Variants in ADARB2 observed in about 807,000 individuals in gnomAD.
ADARB2 encodes the protein adenosine deaminase RNA specific B2 (inactive).
ADARB2 carries 25 observed loss-of-function variants against 62.2 expected under a neutral mutation model. The observed-to-expected ratio is 0.40, with a 90% CI of 0.29 to 0.56. The LOEUF (loss-of-function observed/expected upper bound fraction) is 0.56. ADARB2 is among the 20% of genes least tolerant of loss of function. ADARB2 has a pLI of 0.43. For missense variants in ADARB2, 1,071 were observed against 1,077.4 expected (o/e 0.99, Z 0.08); for synonymous variants, 572 against 500.8 (o/e 1.14, Z -1.90).
chr10:1,703,538 A>T (rs1016302413), intron 1 of ADARB2, among the ~76,000 whole-genome samples: 2 of 152,196 alleles, frequency 1.3e-5, no homozygotes, highest in Non-Finnish European at 2.9e-5. Context: ...GAGACGATGC[A>T]AGAACTGGAA....
intron 3 of ADARB2, among the ~76,000 whole-genome samples, chr10:1,347,261 A>T (rs1314459173): frequency 6.6e-6 from 1 of 152,196 alleles, no homozygotes; most frequent in Non-Finnish European, 1.5e-5. Flanking sequence ...ATAAAGTTGC[A>T]GTGAGTCGTG....
intron 2 of ADARB2, among the ~76,000 whole-genome samples, chr10:1,365,717 A>G (rs1392846185): frequency 6.6e-6 from 1 of 152,232 alleles, no homozygotes; most frequent in Non-Finnish European, 1.5e-5. Context: ...GCTTCGGGCA[A>G]GAATAAAGAA....
intron 7 of ADARB2, among the ~76,000 whole-genome samples, chr10:1,201,566 G>T (rs1461399004): frequency 6.6e-6 from 1 of 151,664 alleles, no homozygotes; most frequent in African/African-American, 2.4e-5. Context: ...GCCACAGAGC[G>T]CCTGTCACCG....
rs527984358 is a variant in ADARB2 at position 1,286,653 on chromosome 10, G to A, written c.1078-15584C>T. Among the ~76,000 whole-genome samples, 74 of 152,198 alleles carry A rather than the reference G, an allele frequency of 4.9e-4. 1 individual carries two copies. Among genetic ancestry groups the A allele is most frequent in the South Asian group, 3.1e-3 (15 of 4,816 alleles). On this transcript the variant is annotated intron_variant, in intron 3 of 9. Transcript: ENST00000381312. The stretch of plus-strand genomic sequence containing the variant: ...CTTCCCCCAGCTGCATGACCACTAC[G>A]GGGCAATTGGGGTCTCTGAGCCACG...
chr10:1,207,508 C>A (rs1837085129), intron 7 of ADARB2, among the ~76,000 whole-genome samples: 1 of 152,138 alleles, frequency 6.6e-6, no homozygotes, highest in Admixed American at 6.5e-5. Context: ...GTCAACAAAT[C>A]ATGGAGGAAG....
intron 1 of ADARB2, among the ~76,000 whole-genome samples, chr10:1,660,616 T>A (rs1044760019): frequency 6.6e-6 from 1 of 152,168 alleles, no homozygotes; most frequent in Non-Finnish European, 1.5e-5. Flanking sequence ...ATTTGTCTTA[T>A]AATTGTGCCC....
intron 3 of ADARB2, among the ~76,000 whole-genome samples, chr10:1,311,660 C>T (rs559686398): frequency 6.6e-6 from 1 of 152,256 alleles, no homozygotes; most frequent in Non-Finnish European, 1.5e-5. Context: ...GCCTGCAAAG[C>T]TCCTCAACCC....
chr10:1,301,970 G>C (rs1242344527), intron 3 of ADARB2, among the ~76,000 whole-genome samples: 1 of 152,158 alleles, frequency 6.6e-6, no homozygotes, highest in Non-Finnish European at 1.5e-5. Context: ...CTCTGGTGTT[G>C]TGCACTGCAT....
chr10:1,611,992 C>T (rs761491926), intron 1 of ADARB2, among the ~76,000 whole-genome samples: 2 of 152,144 alleles, frequency 1.3e-5, no homozygotes, highest in Non-Finnish European at 2.9e-5. Flanking sequence ...GACCGGTCTT[C>T]AGAATCACAA....
intron 1 of ADARB2, among the ~76,000 whole-genome samples, chr10:1,689,854 T>C (rs564142760): frequency 6.6e-6 from 1 of 152,330 alleles, no homozygotes; most frequent in Middle Eastern, 3.4e-3. Context: ...GCTCGCCAAA[T>C]AACAGTCCCC....
At chr10:1,378,376 C>T (rs2387656) in intron 2 of ADARB2, among the ~76,000 whole-genome samples, 42,099 of 152,120 alleles carry the variant, frequency 0.28, 6,935 homozygotes, top group Non-Finnish European at 0.37. Flanking sequence ...TCTAAGACAC[C>T]GTGACCATTT....
intron 1 of ADARB2, among the ~76,000 whole-genome samples, chr10:1,580,339 C>A (rs909969934): frequency 6.6e-6 from 1 of 152,152 alleles, no homozygotes; most frequent in Non-Finnish European, 1.5e-5. Context: ...ATCTAGCCCC[C>A]ACTTATAAGT....
At chr10:1,232,936 G>A (rs1261042630) in intron 6 of ADARB2, among the ~76,000 whole-genome samples, 2 of 151,944 alleles carry the variant, frequency 1.3e-5, no homozygotes, top group African/African-American at 2.4e-5. Context: ...TGTGTGTGTG[G>A]TGTATGTGGT....
chr10:1,645,917 A>C (rs11595075), intron 1 of ADARB2, among the ~76,000 whole-genome samples: 34,632 of 152,188 alleles, frequency 0.23, 4,297 homozygotes, highest in Middle Eastern at 0.32. Context: ...CAGCACAGGG[A>C]AGGTGCGCTG....
At chr10:1,628,131 G>C (rs1833794653) in intron 1 of ADARB2, among the ~76,000 whole-genome samples, 1 of 152,258 alleles carries the variant, frequency 6.6e-6, no homozygotes, top group South Asian at 2.1e-4. Flanking sequence ...GGCAGCAGGT[G>C]CCTGAGGGGC....
At chr10:1,269,516 C>T (rs568236408) in intron 4 of ADARB2, among the ~76,000 whole-genome samples, 1 of 152,312 alleles carries the variant, frequency 6.6e-6, no homozygotes, top group African/African-American at 2.4e-5. Flanking sequence ...ACACATTTAG[C>T]CTTCAAAATA....
Position 1,376,695 on chromosome 10 carries a change from G to T in ADARB2, c.187+2379C>A, listed in dbSNP as rs80346076. 7.2e-3 allele frequency among the ~76,000 whole-genome samples: 1,099 copies of T among 152,218 alleles called. 20 individuals carry two copies. Among genetic ancestry groups the T allele is most frequent in the African/African-American group, 0.025 (1,036 of 41,518 alleles). On this transcript the variant is annotated intron_variant, in intron 2 of 9. Coordinates refer to ENST00000381312, the MANE Select transcript of ADARB2 (RefSeq NM_018702.4). Reference sequence around the variant, plus strand: ...CTGTAAGTTTGAAACCATTCGCTCCGCACCCCAAATGTCCTCTGGCCCTTG... The same window carrying T: ...CTGTAAGTTTGAAACCATTCGCTCCTCACCCCAAATGTCCTCTGGCCCTTG...
At chr10:1,269,970 G>A (rs1375538766) in intron 4 of ADARB2, among the ~76,000 whole-genome samples, 1 of 152,216 alleles carries the variant, frequency 6.6e-6, no homozygotes, top group Non-Finnish European at 1.5e-5. Flanking sequence ...TGGATGATGT[G>A]TTTATAAAGC....
At chr10:1,210,211 T>C (rs1199714366) in intron 7 of ADARB2, among the ~76,000 whole-genome samples, 2 of 152,248 alleles carry the variant, frequency 1.3e-5, no homozygotes, top group Non-Finnish European at 2.9e-5. Flanking sequence ...AATGACCTAT[T>C]TGTCTGGCGG....
Sources: allele counts gnomAD v4.1 joint callset (sites outside exome capture counted in the v4.1 genomes callset), GRCh38; gene constraint gnomAD v4.1.1; transcripts MANE v1.5; gene names NCBI Gene and HGNC (gene_info 2026-07-23, HGNC 2026-07-21).